GTF2IRD1: variants seen among roughly 807,000 people sequenced by gnomAD.
GTF2IRD1 encodes the protein general transcription factor II-I repeat domain-containing protein 1.
In GTF2IRD1, 26 loss-of-function variants were observed where a neutral mutation model predicts 113.2. The ratio of observed to expected loss-of-function variants is 0.23; its 90% CI spans 0.17 to 0.32. GTF2IRD1 has a LOEUF of 0.32. GTF2IRD1 is among the 10% of genes least tolerant of loss of function. The pLI is 1.00. For synonymous variants in GTF2IRD1, 484 were observed against 529.1 expected (o/e 0.91, Z 1.17); for missense variants, 864 against 1,280.8 (o/e 0.67, Z 4.97).
In GTF2IRD1 at chr7:74,533,323, C is replaced by T. The variant is rs782460448; in HGVS notation, c.1275-1790C>T. 3.7e-4 allele frequency among the ~76,000 whole-genome samples: 56 copies of T among 152,036 alleles called. 1 individual carries two copies. Among genetic ancestry groups the T allele is most frequent in the Admixed American group, 3.0e-3 (46 of 15,250 alleles). ...CTAGTTTTTGTATTTTTAGTAGAGACGGGGTTTCACCATGTTGGCCAGGCT... is the reference window on the plus strand; with the variant it reads ...CTAGTTTTTGTATTTTTAGTAGAGATGGGGTTTCACCATGTTGGCCAGGCT... On this transcript the variant is annotated intron_variant, in intron 9 of 26. Coordinates refer to ENST00000424337, the MANE Select transcript of GTF2IRD1 (RefSeq NM_005685.4).
chr7:74,479,511 C>T (rs951148602), intron 1 of GTF2IRD1, among the ~76,000 whole-genome samples: 1 of 152,102 alleles, frequency 6.6e-6, no homozygotes, highest in Non-Finnish European at 1.5e-5. Flanking sequence ...GTGGGTGCTG[C>T]GGTGGGGCAG....
intron 8 of GTF2IRD1, among the ~76,000 whole-genome samples, chr7:74,524,552 T>C (rs1797488547): frequency 1.3e-5 from 2 of 151,256 alleles, no homozygotes; most frequent in Non-Finnish European, 2.9e-5. Context: ...CAGTGAGACC[T>C]CCCATCTCTA....
intron 1 of GTF2IRD1, among the ~76,000 whole-genome samples, chr7:74,486,772 G>C (rs1345326836): frequency 6.7e-6 from 1 of 150,368 alleles, no homozygotes; most frequent in Non-Finnish European, 1.5e-5. Flanking sequence ...AGGAGTTCAG[G>C]ACCAGCCTGA....
intron 1 of GTF2IRD1, 122 bp from the exon 2 acceptor site, chr7:74,507,953 C>A: frequency 9.0e-7 from 1 of 1,105,176 alleles, no homozygotes; most frequent in Non-Finnish European, 1.3e-6. Context: ...CAGGGAAGGT[C>A]AGCCCTGGAT....
intron 1 of GTF2IRD1, among the ~76,000 whole-genome samples, chr7:74,492,332 G>A (rs974836249): frequency 1.3e-5 from 2 of 151,960 alleles, no homozygotes; most frequent in African/African-American, 2.4e-5. Context: ...CACCACGCCT[G>A]GCTAATTTTT....
At chr7:74,537,110 T>G (rs1247748595) in intron 11 of GTF2IRD1, among the ~76,000 whole-genome samples, 1 of 136,294 alleles carries the variant, frequency 7.3e-6, no homozygotes, top group East Asian at 2.2e-4. Flanking sequence ...AGACCTTGTT[T>G]CAAAAATACA....
At chr7:74,511,382 T>C (rs917229419) in intron 2 of GTF2IRD1, among the ~76,000 whole-genome samples, 5 of 152,224 alleles carry the variant, frequency 3.3e-5, no homozygotes, top group Admixed American at 2.0e-4. Flanking sequence ...TTTTCTGCCA[T>C]GGTCTCGGCG....
intron 1 of GTF2IRD1, among the ~76,000 whole-genome samples, chr7:74,465,729 C>G (rs1160677212): frequency 6.6e-6 from 1 of 152,106 alleles, no homozygotes; most frequent in Non-Finnish European, 1.5e-5. Flanking sequence ...GACACACCCC[C>G]TCTGTCCGTG....
intron 1 of GTF2IRD1, among the ~76,000 whole-genome samples, chr7:74,459,449 ACT>A (rs1180788005): frequency 6.6e-6 from 1 of 151,590 alleles, no homozygotes; most frequent in Non-Finnish European, 1.5e-5. Context: ...CAAGAGTGAA[ACT>A]CTGTCTCAAA....
chr7:74,518,131 C>T lies in GTF2IRD1; in HGVS notation c.422-8C>T, dbSNP rs782364914. 1.3e-6 allele frequency: 2 copies of T among 1,546,586 alleles called. No individual in the cohort carries two copies. The highest frequency in any genetic ancestry group is 4.6e-5 in the East Asian group (2 of 43,016). On this transcript the variant is annotated splice_polypyrimidine_tract_variant and splice_region_variant and intron_variant, in intron 4 of 26. Coordinates refer to ENST00000424337, the MANE Select transcript of GTF2IRD1 (RefSeq NM_005685.4). Reference sequence around the variant, plus strand: ...TACCAGGCCCCTCTCCTGGACTCTCCCCTACAGGCGAGGCCCTGGGAAGGG... The same window carrying T: ...TACCAGGCCCCTCTCCTGGACTCTCTCCTACAGGCGAGGCCCTGGGAAGGG...
At chr7:74,585,521 G>A (rs1387569971) in intron 22 of GTF2IRD1, among the ~76,000 whole-genome samples, 1 of 152,114 alleles carries the variant, frequency 6.6e-6, no homozygotes, top group Non-Finnish European at 1.5e-5. Flanking sequence ...ACAGAGGTGT[G>A]GCATTGTGGG....
intron 1 of GTF2IRD1, among the ~76,000 whole-genome samples, chr7:74,477,356 T>G (rs530151546): frequency 1.9e-3 from 230 of 118,108 alleles, no homozygotes; most frequent in African/African-American, 5.5e-3. Flanking sequence ...AGTTTTTTTT[T>G]TGTGTCCAAA....
In GTF2IRD1 at chr7:74,539,862, C is replaced by T. The variant is rs587677390; in HGVS notation, c.1529-17C>T. On this transcript the variant is annotated splice_polypyrimidine_tract_variant and intron_variant, in intron 13 of 26. Coordinates refer to ENST00000424337, the MANE Select transcript of GTF2IRD1 (RefSeq NM_005685.4). The stretch of plus-strand genomic sequence containing the variant: ...ACAGGCAGAAGATACCCGTGTCATT[C>T]GGAGTTTTGTCTTCAGACCCCTCGC... 1.4e-5 allele frequency: 22 copies of T among 1,588,780 alleles called. No individual in the cohort carries two copies. Among genetic ancestry groups the T allele is most frequent in the Admixed American group, 8.3e-5 (5 of 59,952 alleles).
In GTF2IRD1 at chr7:74,515,543, C is replaced by T; in HGVS notation, c.368C>T (p.Ser123Leu). 6.2e-7 allele frequency: 1 copy of T among 1,613,720 alleles called. No homozygotes were observed. Among genetic ancestry groups the T allele is most frequent in the Non-Finnish European group, 8.5e-7 (1 of 1,179,678 alleles). Residue 123 changes from serine (S) to leucine (L), a missense_variant, in exon 4 of 27, where the codon TCA becomes TTA. Ser to Leu is a moderately radical substitution (Grantham distance 145). Transcript: ENST00000424337. ...SLPRSSLEHG[S>L]DVYLLRKMVE... ...CCTCGGTCCTCCCTGGAACATGGCT[C>T]AGATGTGTACCTTCTGCGGAAGATG...
In GTF2IRD1 at chr7:74,518,290, A is replaced by T; in HGVS notation, c.573A>T (p.Glu191Asp). The part of the protein sequence containing the change: ...YDPKALMAIL[E>D]HSHRIRFKLK... ...CCAAGGCCCTCATGGCCATCCTGGA[A>T]CACAGCCACCGCATCCGCTTCAAGC... The change falls in exon 5 of 27, where the codon GAA becomes GAT. Residue 191 changes from glutamate to aspartate, a missense_variant. Coordinates refer to ENST00000424337, the MANE Select transcript of GTF2IRD1 (RefSeq NM_005685.4). 6.2e-7 allele frequency: 1 copy of T among 1,604,822 alleles called. No individual in the cohort carries two copies. The highest frequency in any genetic ancestry group is 8.5e-7 in the Non-Finnish European group (1 of 1,173,744).
In GTF2IRD1 at chr7:74,595,131, C is replaced by T. The variant is rs370721373; in HGVS notation, c.2629+80C>T. On this transcript the variant is annotated intron_variant, in intron 25 of 26. Coordinates refer to ENST00000424337, the MANE Select transcript of GTF2IRD1 (RefSeq NM_005685.4). ...CCATTTGAAAAAAGGTAGACCCGGG[C>T]GCAGTGGCTCATGCCTGTAATCCCA... 110 of 983,014 alleles carry T rather than the reference C, an allele frequency of 1.1e-4. 1 individual carries two copies. The highest frequency in any genetic ancestry group is 5.3e-4 in the Admixed American group (27 of 50,562). The allele number at this position is 983,014 out of a possible 1,614,324, so 60.9% of individuals were successfully genotyped here.
rs781871233 is a variant in GTF2IRD1 at position 74,559,662 on chromosome 7, G to A, written c.2320+7G>A. 2.5e-6 allele frequency: 4 copies of A among 1,593,800 alleles called. No homozygotes were observed. The East Asian group carries it at 9.0e-5, about 36-fold the overall frequency. On this transcript the variant is annotated splice_region_variant and intron_variant, in intron 22 of 26. Transcript: ENST00000424337. Reference sequence around the variant, plus strand: ...GGACTCATCCCAAAGCCTGGTAAGAGGCACTGGCTGTGGAGGGGGCACTGG... The same window carrying A: ...GGACTCATCCCAAAGCCTGGTAAGAAGCACTGGCTGTGGAGGGGGCACTGG...
chr7:74,488,321 T>C (rs1411767769), intron 1 of GTF2IRD1, among the ~76,000 whole-genome samples: 5 of 152,140 alleles, frequency 3.3e-5, no homozygotes, highest in Non-Finnish European at 7.3e-5. Flanking sequence ...TCTTCAAATC[T>C]TGCTCTGGGT....
intron 2 of GTF2IRD1, among the ~76,000 whole-genome samples, chr7:74,510,306 ATTTT>A (rs35912885): frequency 1.5e-5 from 2 of 137,170 alleles, no homozygotes. Flanking sequence ...GCTATTTGCA[ATTTT>A]TTTTTTTTTT....
Sources: gnomAD v4.1 joint callset for allele counts (sites outside exome capture counted in the v4.1 genomes callset) on GRCh38, gnomAD v4.1.1 for gene constraint, MANE v1.5 for transcripts, NCBI Gene and HGNC (gene_info 2026-07-23, HGNC 2026-07-21) for gene names.